The following PCDHGB5 variants were observed in gnomAD, a reference collection of about 807,000 sequenced individuals.
PCDHGB5 encodes the protein protocadherin gamma-B5.
In PCDHGB5, 48 loss-of-function variants were observed where a neutral mutation model predicts 62.9. The ratio of observed to expected loss-of-function variants is 0.76; its 90% CI spans 0.61 to 0.97. The LOEUF (loss-of-function observed/expected upper bound fraction) is 0.97, where lower values mean the gene tolerates loss of function less well. Ranked by LOEUF, PCDHGB5 falls within the 50% of genes least tolerant of loss-of-function variation. The pLI is 0.00. For synonymous variants in PCDHGB5, 474 were observed against 511.2 expected (o/e 0.93, Z 0.98); for missense variants, 1,118 against 1,198.6 (o/e 0.93, Z 0.99).
chr5:141,478,839 T>G, intron 1 of PCDHGB5: 6 of 1,423,322 alleles, frequency 4.2e-6, no homozygotes, highest in Non-Finnish European at 5.5e-6. Flanking sequence ...AAGGGATGGT[T>G]AAGCTAAAAC....
At chr5:141,500,782 T>G (rs2099802612) in intron 2 of PCDHGB5, among the ~76,000 whole-genome samples, 2 of 152,222 alleles carry the variant, frequency 1.3e-5, no homozygotes, top group Admixed American at 1.3e-4. Context: ...ATATACATAT[T>G]ATTTTACAGA....
At chr5:141,427,732 G>T in intron 1 of PCDHGB5, 1 of 1,190,370 alleles carries the variant, frequency 8.4e-7, no homozygotes, top group Non-Finnish European at 1.2e-6. Context: ...GGGCTGAATG[G>T]CCAAGTCTCC....
Position 141,511,380 on chromosome 5 carries a change from C to G in PCDHGB5, c.*207C>G. The G allele has an allele frequency of 7.7e-6, 9 of 1,170,490 alleles. No individual in the cohort carries two copies. The highest frequency in any genetic ancestry group is 1.1e-5 in the Non-Finnish European group (9 of 854,564). 72.5% of individuals were successfully genotyped at this position (1,170,490 alleles called of 1,614,324 possible). A position where few individuals can be genotyped will look rare whatever the true frequency, so the allele number is the denominator to read the frequency against. On this transcript the variant is annotated 3_prime_UTR_variant, in exon 4 of 4. Transcript: ENST00000617380. ...GGGGTTGAATATGCAAAAGCAGTTC[C>G]GCTGGGAACCCCCATCCAATCAACT...
Position 141,399,443 on chromosome 5 carries a change from G to A in PCDHGB5, c.1316G>A (p.Arg439Lys). 1 of 1,614,018 alleles carries A rather than the reference G, an allele frequency of 6.2e-7. No individual in the cohort carries two copies. The highest frequency in any genetic ancestry group is 8.5e-7 in the Non-Finnish European group (1 of 1,179,898). ...AGCATAAGCGTCATCCTACATATCA[G>A]AGACGTCAACGATAACGCTCCGGTT... ...SSSISVILHIRDVNDNAPVFH... is the reference protein window; with the variant it reads ...SSSISVILHIKDVNDNAPVFH... The change falls in exon 1 of 4, where the codon AGA becomes AAA. Residue 439 changes from arginine (R) to lysine (K), a missense_variant. Coordinates refer to ENST00000617380, the MANE Select transcript of PCDHGB5 (RefSeq NM_018925.3).
At chr5:141,464,327 C>G (rs893319708) in intron 1 of PCDHGB5, among the ~76,000 whole-genome samples, 15 of 150,890 alleles carry the variant, frequency 9.9e-5, no homozygotes, top group African/African-American at 3.7e-4. Flanking sequence ...TCTGTTCAAC[C>G]CATCTATGAC....
chr5:141,415,067 G>A, intron 1 of PCDHGB5: 1 of 1,613,398 alleles, frequency 6.2e-7, no homozygotes, highest in Non-Finnish European at 8.5e-7. Context: ...GGCGAGGTGC[G>A]CACGGCGCGA....
intron 1 of PCDHGB5, among the ~76,000 whole-genome samples, chr5:141,438,647 CACACAT>C (rs1324641788): frequency 3.8e-5 from 4 of 106,486 alleles, no homozygotes; most frequent in South Asian, 2.8e-4. Flanking sequence ...CACACACACA[CACACAT>C]ATATGTATAT....
intron 1 of PCDHGB5, chr5:141,415,677 C>T (rs375781400): frequency 4.7e-6 from 7 of 1,499,248 alleles, no homozygotes; most frequent in Middle Eastern, 1.8e-4. Flanking sequence ...TTGAAGTTTG[C>T]GGCATGATGG....
intron 1 of PCDHGB5, among the ~76,000 whole-genome samples, chr5:141,420,713 G>GT (rs1303648273): frequency 3.3e-5 from 5 of 152,078 alleles, no homozygotes; most frequent in African/African-American, 1.2e-4. Context: ...CAGAAATGTC[G>GT]TTCCTTTCAG....
At chr5:141,451,880 A>G (rs1322052501) in intron 1 of PCDHGB5, among the ~76,000 whole-genome samples, 1 of 152,106 alleles carries the variant, frequency 6.6e-6, no homozygotes, top group East Asian at 1.9e-4. Flanking sequence ...AACCCTGTCA[A>G]GAAAGAAAGG....
At chr5:141,455,375 G>A (rs1247820974) in intron 1 of PCDHGB5, among the ~76,000 whole-genome samples, 1 of 152,132 alleles carries the variant, frequency 6.6e-6, no homozygotes, top group Non-Finnish European at 1.5e-5. Context: ...GAAGGGAGAA[G>A]ACAGAAGGAA....
At chr5:141,499,127 A>G (rs1198571084) in intron 2 of PCDHGB5, among the ~76,000 whole-genome samples, 1 of 152,134 alleles carries the variant, frequency 6.6e-6, no homozygotes, top group Non-Finnish European at 1.5e-5. Flanking sequence ...TTCTCAGGTC[A>G]TCCTTTGGGT....
chr5:141,498,002 C>T (rs1442305270), intron 2 of PCDHGB5, among the ~76,000 whole-genome samples: 2 of 152,178 alleles, frequency 1.3e-5, no homozygotes, highest in East Asian at 1.9e-4. Flanking sequence ...AAGGAGTTTA[C>T]AGTGCACTGA....
chr5:141,415,017 G>A lies in PCDHGB5; in HGVS notation c.2397+14493G>A, dbSNP rs1344566574. ...CCTGGCTGTCCTACCGTCTGCTCAA[G>A]GCCAGCGAGCCGGGACTCTTCGCGG... On this transcript the variant is annotated intron_variant, in intron 1 of 3. Transcript: ENST00000617380. The A allele has an allele frequency of 1.9e-6, 3 of 1,613,574 alleles. No homozygotes were observed. In the Admixed American group the frequency reaches 5.0e-5, roughly 27 times the overall value.
At chr5:141,419,600 G>A (rs1304962440) in intron 1 of PCDHGB5, 3 of 1,611,816 alleles carry the variant, frequency 1.9e-6, no homozygotes, top group Non-Finnish European at 2.5e-6. Context: ...AGTGCCGCGG[G>A]CCGCGCAGCC....
chr5:141,412,569 T>C (rs1469611879), intron 1 of PCDHGB5: 3 of 152,228 alleles, frequency 2.0e-5, no homozygotes, highest in Admixed American at 6.5e-5. Flanking sequence ...GTTTATTTAA[T>C]ATAATCTTTG....
intron 1 of PCDHGB5, chr5:141,407,897 A>T (rs1178644193): frequency 4.9e-6 from 2 of 405,126 alleles, no homozygotes; most frequent in African/African-American, 4.1e-5. Context: ...CCGAATTCAA[A>T]ATGAAAAACC....
intron 1 of PCDHGB5, among the ~76,000 whole-genome samples, chr5:141,474,922 C>G (rs748864870): frequency 3.9e-5 from 6 of 152,238 alleles, no homozygotes; most frequent in Non-Finnish European, 8.8e-5. Flanking sequence ...CATCTCATCT[C>G]TGGCTTATAT....
intron 1 of PCDHGB5, among the ~76,000 whole-genome samples, chr5:141,435,698 A>G (rs954167256): frequency 1.3e-5 from 2 of 152,184 alleles, no homozygotes; most frequent in African/African-American, 4.8e-5. Context: ...CTTATTGTAG[A>G]GTGGTTACAG....
Sources: allele counts gnomAD v4.1 joint callset (sites outside exome capture counted in the v4.1 genomes callset), GRCh38; gene constraint gnomAD v4.1.1; transcripts MANE v1.5; gene names NCBI Gene and HGNC (gene_info 2026-07-23, HGNC 2026-07-21).